The following WDR7 variants were observed in gnomAD, a reference collection of about 807,000 sequenced individuals.
WDR7 encodes WD repeat-containing protein 7.
In WDR7, 46 loss-of-function variants were observed where a neutral mutation model predicts 169.4. The observed-to-expected ratio is 0.27, with a 90% CI of 0.21 to 0.35. WDR7 has a LOEUF of 0.35. Among genes scored for constraint, WDR7 ranks in the 10% least tolerant of loss-of-function variants. The probability of loss-of-function intolerance (pLI) is 1.00; values close to 1 mark genes in which losing one functional copy is unlikely to be tolerated. For missense variants in WDR7, 1,534 were observed against 1,859.3 expected, an observed-to-expected ratio of 0.83 and a Z score of 3.22; for synonymous variants, 612 against 666.8, an observed-to-expected ratio of 0.92 and a Z score of 1.27.
At position 56,688,092 on chromosome 18, in the gene WDR7, G is replaced by A. The variant is rs567461070; in HGVS notation, c.717+1118G>A. On this transcript the variant is annotated intron_variant, in intron 7 of 27. Coordinates refer to ENST00000254442, the MANE Select transcript of WDR7 (RefSeq NM_015285.3). ...CCATTTTGCAGATGAGGCAGCTGAG[G>A]CAGTAAAGGGATGAATAACTTGACA... Among the ~76,000 whole-genome samples the A allele has an allele frequency of 6.6e-5, 10 of 152,300 alleles. No homozygotes were observed. The South Asian group carries it at 2.1e-3, about 32-fold the overall frequency.
chr18:56,801,935 A>G (rs2044679870), intron 19 of WDR7, among the ~76,000 whole-genome samples: 1 of 152,184 alleles, frequency 6.6e-6, no homozygotes, highest in Non-Finnish European at 1.5e-5. Context: ...TATTATGTCA[A>G]TGTAAGTTTC....
intron 25 of WDR7, among the ~76,000 whole-genome samples, chr18:56,942,156 G>A (rs145005217): frequency 1.4e-4 from 21 of 152,276 alleles, no homozygotes; most frequent in Non-Finnish European, 2.5e-4. Flanking sequence ...GGCATGGTGC[G>A]TTTAAGGACC....
chr18:56,876,134 A>C (rs2046018673), intron 20 of WDR7, among the ~76,000 whole-genome samples: 1 of 152,116 alleles, frequency 6.6e-6, no homozygotes, highest in Non-Finnish European at 1.5e-5. Context: ...AGTAATACAG[A>C]ATGACAAAGT....
chr18:56,912,163 G>A (rs1160682232), intron 21 of WDR7, among the ~76,000 whole-genome samples: 6 of 152,166 alleles, frequency 3.9e-5, no homozygotes, highest in African/African-American at 1.4e-4. Context: ...TGTTAGGTGA[G>A]TTTTATCCCT....
At position 56,651,527 on chromosome 18, in the gene WDR7, C is replaced by T. The variant is rs1057083562; in HGVS notation, c.-69C>T. On this transcript the variant is annotated 5_prime_UTR_variant, in exon 1 of 28. Coordinates refer to ENST00000254442, the MANE Select transcript of WDR7 (RefSeq NM_015285.3). ...CCTTGTCCTCCTTGGCTGGGGCGCC[C>T]ACCGGCGGTCTGATAGGCTACATCG... The T allele has an allele frequency of 1.3e-5, 2 of 152,666 alleles. No individual in the cohort carries two copies. Among genetic ancestry groups the T allele is most frequent in the African/African-American group, 4.8e-5 (2 of 41,596 alleles). 9.5% of individuals were successfully genotyped at this position (152,666 alleles called of 1,614,324 possible).
At chr18:56,658,713 C>G (rs1180921146) in intron 1 of WDR7, among the ~76,000 whole-genome samples, 1 of 151,970 alleles carries the variant, frequency 6.6e-6, no homozygotes, top group Admixed American at 6.6e-5. Flanking sequence ...TATCACTGTA[C>G]TTACTTACTT....
At chr18:56,824,006 A>G (rs1213259827) in intron 20 of WDR7, among the ~76,000 whole-genome samples, 2 of 152,202 alleles carry the variant, frequency 1.3e-5, no homozygotes, top group Admixed American at 6.5e-5. Flanking sequence ...CTACTTAATG[A>G]CTTCCCATTG....
chr18:56,771,708 C>G (rs560112515), intron 16 of WDR7, among the ~76,000 whole-genome samples: 1 of 151,652 alleles, frequency 6.6e-6, no homozygotes, highest in South Asian at 2.1e-4. Context: ...TTGGAGAAAC[C>G]CCATCTCTAC....
At chr18:56,917,671 A>G (rs899227081) in intron 21 of WDR7, among the ~76,000 whole-genome samples, 1 of 152,198 alleles carries the variant, frequency 6.6e-6, no homozygotes, top group Non-Finnish European at 1.5e-5. Context: ...ATTGAACAAT[A>G]TTCATCTTGC....
rs376283750 is a variant in WDR7, at chr18:56,756,805, C to G, written c.2212C>G (p.Arg738Gly). The G allele has an allele frequency of 7.1e-5, 115 of 1,613,816 alleles. No homozygotes were observed. The Middle Eastern group carries it at 8.2e-4, about 12-fold the overall frequency. ...DKGGSFLTGK[R>G]AAVLFQQVKE... ...AGGGGGCTCTTTTTTAACTGGAAAA[C>G]GAGCAGCAGTTCTCTTCCAACAAGT... The change falls in exon 15 of 28, where the codon CGA becomes GGA. Residue 738 changes from arginine (R) to glycine (G), a missense_variant. Coordinates refer to ENST00000254442, the MANE Select transcript of WDR7 (RefSeq NM_015285.3).
At chr18:56,783,252 A>G (rs2044347071) in intron 19 of WDR7, among the ~76,000 whole-genome samples, 1 of 152,038 alleles carries the variant, frequency 6.6e-6, no homozygotes, top group Non-Finnish European at 1.5e-5. Flanking sequence ...TCAAATTTCC[A>G]GAATATAAAA....
chr18:56,900,908 G>A (rs1163692961), intron 21 of WDR7, among the ~76,000 whole-genome samples: 4 of 152,150 alleles, frequency 2.6e-5, no homozygotes, highest in Non-Finnish European at 5.9e-5. Flanking sequence ...TTAACATTCT[G>A]CCAGCTGGCA....
rs1284882900 is a variant in WDR7 at position 56,652,338 on chromosome 18, C to G, written c.-20+762C>G. 2.6e-5 allele frequency among the ~76,000 whole-genome samples: 4 copies of G among 152,168 alleles called. No individual in the cohort carries two copies. The East Asian group carries it at 7.7e-4, about 29-fold the overall frequency. ...CAGTGGCAGCTATAGCTTCCTCTCA[C>G]TGTAATATTTGCCATGAGACAAAAA... On this transcript the variant is annotated intron_variant, in intron 1 of 27. Transcript: ENST00000254442.
chr18:56,676,688 G>A (rs1056654024), intron 2 of WDR7, among the ~76,000 whole-genome samples: 1 of 151,496 alleles, frequency 6.6e-6, no homozygotes, highest in Non-Finnish European at 1.5e-5. Flanking sequence ...AACTTCCCTT[G>A]CTTTTTAACT....
In WDR7 at chr18:56,988,205, G is replaced by T. The variant is rs138480482; in HGVS notation, c.4164+25676G>T. On this transcript the variant is annotated intron_variant, in intron 26 of 27. Transcript: ENST00000254442. ...CTAATTAAGCAATAAGGCTTGACAG[G>T]GAGTATGGTTATCATGAGATAATGA... Among the ~76,000 whole-genome samples the T allele has an allele frequency of 7.7e-3, 1,167 of 152,204 alleles. 22 individuals carry two copies. Among genetic ancestry groups the T allele is most frequent in the Admixed American group, 0.033 (499 of 15,294 alleles).
chr18:56,972,231 A>C (rs945129929), intron 26 of WDR7, among the ~76,000 whole-genome samples: 1 of 152,224 alleles, frequency 6.6e-6, no homozygotes, highest in Non-Finnish European at 1.5e-5. Context: ...ACACACCTAT[A>C]TTAATGGAAG....
intron 20 of WDR7, among the ~76,000 whole-genome samples, chr18:56,842,736 GA>G (rs2045505493): frequency 1.3e-5 from 2 of 152,132 alleles, no homozygotes; most frequent in African/African-American, 2.4e-5. Flanking sequence ...ATGCACATAG[GA>G]AACTACTAAA....
At chr18:56,905,754 T>C (rs181263681) in intron 21 of WDR7, among the ~76,000 whole-genome samples, 3 of 152,126 alleles carry the variant, frequency 2.0e-5, no homozygotes, top group East Asian at 3.9e-4. Context: ...CTTTCAAATA[T>C]TATAAGCAAA....
chr18:56,980,893 A>T (rs2047635043), intron 26 of WDR7, among the ~76,000 whole-genome samples: 1 of 152,214 alleles, frequency 6.6e-6, no homozygotes, highest in African/African-American at 2.4e-5. Context: ...GCCAGTCAGG[A>T]TGAGGAATTT....
Sources: gnomAD v4.1 joint callset for allele counts (sites outside exome capture counted in the v4.1 genomes callset) on GRCh38, gnomAD v4.1.1 for gene constraint, MANE v1.5 for transcripts, NCBI Gene and HGNC (gene_info 2026-07-23, HGNC 2026-07-21) for gene names.